Variants in DCAF1 observed in about 807,000 individuals in gnomAD.
DCAF1 encodes the protein DDB1- and CUL4-associated factor 1.
DCAF1 carries 15 observed loss-of-function variants against 128.0 expected under a neutral mutation model. The observed-to-expected ratio is 0.12, with a 90% CI of 0.08 to 0.18. The LOEUF (loss-of-function observed/expected upper bound fraction) is 0.18. Ranked by LOEUF, DCAF1 falls within the 10% of genes least tolerant of loss-of-function variation. The pLI, the probability that DCAF1 is intolerant of heterozygous loss-of-function variation, is 1.00. For missense variants in DCAF1, 988 were observed against 1,649.5 expected, an observed-to-expected ratio of 0.60 and a Z score of 6.95; for synonymous variants, 610 against 603.0, an observed-to-expected ratio of 1.01 and a Z score of -0.17.
At chr3:51,488,097 T>G (rs1397978371) in intron 2 of DCAF1, among the ~76,000 whole-genome samples, 27 of 151,862 alleles carry the variant, frequency 1.8e-4, no homozygotes, top group African/African-American at 6.3e-4. Flanking sequence ...ACTCCTGACC[T>G]CACACAACCC....
intron 2 of DCAF1, among the ~76,000 whole-genome samples, chr3:51,487,728 G>A (rs948048630): frequency 7.9e-5 from 12 of 151,524 alleles, no homozygotes; most frequent in African/African-American, 2.9e-4. Flanking sequence ...TTTAAAGACA[G>A]GGTCCCCCTC....
At chr3:51,500,177 G>A (rs1328881664), upstream of DCAF1, among the ~76,000 whole-genome samples, 6 of 141,830 alleles carry the variant, frequency 4.2e-5, no homozygotes, top group Non-Finnish European at 9.1e-5. Context: ...GGACGCCTGG[G>A]AAATGAAGTT....
At chr3:51,418,064 G>A (rs1362219886) in intron 17 of DCAF1, 52 bp downstream of exon 17, 2 of 1,566,202 alleles carry the variant, frequency 1.3e-6, no homozygotes, top group Non-Finnish European at 1.7e-6. Flanking sequence ...ATGAAGGGGG[G>A]TATAAACTAG....
chr3:51,494,351 T>G (rs1339999839), intron 2 of DCAF1, among the ~76,000 whole-genome samples: 1 of 151,916 alleles, frequency 6.6e-6, no homozygotes, highest in African/African-American at 2.4e-5. Flanking sequence ...CCTGACCTCG[T>G]GATCCACCCG....
intron 4 of DCAF1, among the ~76,000 whole-genome samples, chr3:51,467,951 A>G (rs1279184131): frequency 6.6e-6 from 1 of 152,124 alleles, no homozygotes; most frequent in African/African-American, 2.4e-5. Flanking sequence ...TTCCACTACA[A>G]TGACAACAGC....
upstream of DCAF1, among the ~76,000 whole-genome samples, chr3:51,501,137 C>G (rs541861266): frequency 2.8e-3 from 429 of 152,278 alleles, 2 homozygotes; most frequent in Non-Finnish European, 2.5e-3. Context: ...TGTTCAAGAC[C>G]TAGCCTGTAA....
Position 51,412,629 on chromosome 3 carries a change from A to G in DCAF1, c.4111-149T>C, listed in dbSNP as rs1420375542. 1.8e-5 allele frequency: 25 copies of G among 1,368,356 alleles called. No individual in the cohort carries two copies. The African/African-American group carries it at 3.6e-4, about 20-fold the overall frequency. The allele number at this position is 1,368,356 out of a possible 1,614,324, so 84.8% of individuals were successfully genotyped here. A position where few individuals can be genotyped will look rare whatever the true frequency, so the allele number is the denominator to read the frequency against. On this transcript the variant is annotated intron_variant, in intron 22 of 24. Coordinates refer to ENST00000684031, the MANE Select transcript of DCAF1 (RefSeq NM_001387579.1). ...TTCTTGAGCTGACTATGAAAATGTTATACCTAGGACACATAAAGGGGAAGA... is the reference window on the plus strand; with the variant it reads ...TTCTTGAGCTGACTATGAAAATGTTGTACCTAGGACACATAAAGGGGAAGA...
chr3:51,400,311 CTG>C (rs1250639290), intron 24 of DCAF1, among the ~76,000 whole-genome samples: 1 of 152,192 alleles, frequency 6.6e-6, no homozygotes, highest in Non-Finnish European at 1.5e-5. Flanking sequence ...AAGTCCAGCA[CTG>C]TGTCCCCACC....
rs1011080986 is a variant in DCAF1 at position 51,413,075 on chromosome 3, T to C, written c.4037-9A>G. 3.1e-6 allele frequency: 5 copies of C among 1,613,720 alleles called. No individual in the cohort carries two copies. Among genetic ancestry groups the C allele is most frequent in the Non-Finnish European group, 4.2e-6 (5 of 1,179,806 alleles). Reference sequence around the variant, plus strand: ...TTTCACATCAATGGTTGCTGGAAAATAGAATGTGAGAAGATTGGGATTGGA... The same window carrying C: ...TTTCACATCAATGGTTGCTGGAAAACAGAATGTGAGAAGATTGGGATTGGA... On this transcript the variant is annotated splice_polypyrimidine_tract_variant and intron_variant, in intron 21 of 24. Transcript: ENST00000684031.
chr3:51,407,555 T>A (rs552640086), intron 23 of DCAF1, among the ~76,000 whole-genome samples: 63 of 152,332 alleles, frequency 4.1e-4, no homozygotes, highest in Middle Eastern at 3.4e-3. Context: ...TTGAGTTTTT[T>A]ATTATAAATT....
At chr3:51,457,667 G>T (rs1292911741) in intron 6 of DCAF1, among the ~76,000 whole-genome samples, 3 of 152,034 alleles carry the variant, frequency 2.0e-5, no homozygotes, top group Non-Finnish European at 4.4e-5. Flanking sequence ...CAGAGAGAAA[G>T]GTCGGGTTAC....
Position 51,443,786 on chromosome 3 carries a change from T to C in DCAF1, c.493A>G (p.Arg165Gly). 1 of 1,610,766 alleles carries C rather than the reference T, an allele frequency of 6.2e-7. No individual in the cohort carries two copies. Among genetic ancestry groups the C allele is most frequent in the South Asian group, 1.1e-5 (1 of 90,156 alleles). The change falls in exon 7 of 25, where the codon AGA becomes GGA. Residue 165 changes from arginine to glycine, a missense_variant. Arg to Gly is a moderately radical substitution (Grantham distance 125). Transcript: ENST00000684031. ...MENQDIAANY[R>G]DENSQLVAIV... The stretch of plus-strand genomic sequence containing the variant: ...CTTACCAGCTGTGAATTTTCATCTC[T>C]ATAGTTGGCAGCAATGTCTTGATTT...
chr3:51,459,418 G>T (rs200241089), intron 6 of DCAF1, among the ~76,000 whole-genome samples: 1 of 145,968 alleles, frequency 6.9e-6, no homozygotes, highest in Non-Finnish European at 1.5e-5. Context: ...ATAATCAATA[G>T]CTTACCAACC....
chr3:51,487,411 A>G (rs896485530), intron 2 of DCAF1, among the ~76,000 whole-genome samples: 2 of 152,172 alleles, frequency 1.3e-5, no homozygotes, highest in East Asian at 3.8e-4. Flanking sequence ...AAATTAAGAA[A>G]CCAACATTGT....
intron 10 of DCAF1, among the ~76,000 whole-genome samples, chr3:51,432,464 GTTT>G (rs1333206837): frequency 7.0e-6 from 1 of 142,020 alleles, no homozygotes; most frequent in African/African-American, 2.6e-5. Context: ...TCTGTTGTGT[GTTT>G]TTTTTTTTTT....
intron 2 of DCAF1, among the ~76,000 whole-genome samples, chr3:51,489,475 G>A (rs1222296615): frequency 1.3e-5 from 2 of 151,858 alleles, no homozygotes; most frequent in African/African-American, 2.4e-5. Flanking sequence ...TAGGGTCCTA[G>A]GCAGAGTAAT....
chr3:51,460,111 C>A (rs1311167021), intron 6 of DCAF1, among the ~76,000 whole-genome samples: 1 of 152,154 alleles, frequency 6.6e-6, no homozygotes, highest in Non-Finnish European at 1.5e-5. Context: ...AAGAGGAAGT[C>A]AAATTGTCCC....
chr3:51,428,871 C>T (rs1215490908), intron 12 of DCAF1, among the ~76,000 whole-genome samples: 1 of 151,894 alleles, frequency 6.6e-6, no homozygotes, highest in African/African-American at 2.4e-5. Flanking sequence ...GTGGTGTGTG[C>T]CTATAGTCCC....
intron 13 of DCAF1, among the ~76,000 whole-genome samples, 177 bp from the exon 14 acceptor site, chr3:51,422,608 T>C (rs1274164622): frequency 6.6e-6 from 1 of 152,234 alleles, no homozygotes; most frequent in Admixed American, 6.5e-5. Context: ...ATAGTCACCA[T>C]GACATTACTT....
Sources: allele counts gnomAD v4.1 joint callset (sites outside exome capture counted in the v4.1 genomes callset), GRCh38; gene constraint gnomAD v4.1.1; transcripts MANE v1.5; gene names NCBI Gene and HGNC (gene_info 2026-07-23, HGNC 2026-07-21).